Variants in INPP5A observed in about 807,000 individuals in gnomAD.
INPP5A encodes the protein inositol polyphosphate-5-phosphatase A.
INPP5A carries 14 observed loss-of-function variants against 65.2 expected under a neutral mutation model. The observed-to-expected ratio is 0.21, with a 90% confidence interval of 0.14 to 0.34. The LOEUF is 0.34. INPP5A is among the 10% of genes least tolerant of loss of function. INPP5A has a pLI of 1.00. For synonymous variants in INPP5A, 207 were observed against 208.3 expected (o/e 0.99, Z 0.05); for missense variants, 431 against 545.6 (o/e 0.79, Z 2.09).
At chr10:132,693,623 G>C (rs1379844083) in intron 5 of INPP5A, among the ~76,000 whole-genome samples, 1 of 151,912 alleles carries the variant, frequency 6.6e-6, no homozygotes, top group Non-Finnish European at 1.5e-5. Context: ...TAGGAAACTA[G>C]AAGAAAAGTA....
At chr10:132,654,135 A>G (rs1218356458) in intron 4 of INPP5A, among the ~76,000 whole-genome samples, 1 of 152,162 alleles carries the variant, frequency 6.6e-6, no homozygotes, top group East Asian at 1.9e-4. Context: ...ATGGGACAGG[A>G]TAAGGCTTGG....
At chr10:132,699,363 G>A (rs1436273163) in intron 6 of INPP5A, among the ~76,000 whole-genome samples, 2 of 39,590 alleles carry the variant, frequency 5.1e-5, no homozygotes, top group African/African-American at 5.7e-5. Flanking sequence ...GTGCTGGGGT[G>A]GGGGGGGGCT....
intron 6 of INPP5A, among the ~76,000 whole-genome samples, chr10:132,700,128 C>T (rs12416006): frequency 1.3e-5 from 2 of 152,180 alleles, no homozygotes; most frequent in Non-Finnish European, 2.9e-5. Context: ...AGCCCCCAGC[C>T]TGGGTCCAAC....
At chr10:132,713,533 C>A (rs1463241335) in intron 8 of INPP5A, among the ~76,000 whole-genome samples, 1 of 152,156 alleles carries the variant, frequency 6.6e-6, no homozygotes, top group Non-Finnish European at 1.5e-5. Context: ...CCTTGGCTCT[C>A]CTCTGCATCT....
chr10:132,625,844 G>C (rs1590876484), intron 2 of INPP5A, among the ~76,000 whole-genome samples: 1 of 4,448 alleles, frequency 2.2e-4, no homozygotes, highest in Non-Finnish European at 5.1e-4. Context: ...GGACTTCTGT[G>C]TGTGTGTGTG....
intron 1 of INPP5A, among the ~76,000 whole-genome samples, chr10:132,556,167 C>T (rs555724341): frequency 1.2e-4 from 18 of 152,178 alleles, no homozygotes; most frequent in Non-Finnish European, 2.5e-4. Flanking sequence ...TCCTTGATGG[C>T]ACGCTCCGGG....
Position 132,538,868 on chromosome 10 carries a change from A to G in INPP5A, c.75+697A>G, listed in dbSNP as rs1187781736. 6.6e-6 allele frequency among the ~76,000 whole-genome samples: 1 copy of G among 152,010 alleles called. No homozygotes were observed. The highest frequency in any genetic ancestry group is 1.5e-5 in the Non-Finnish European group (1 of 67,998). ...CTAGCCCTAGAATCCCAGCCTTCAT[A>G]CTGTGGCCCTTTGCCTCTAAAGCCA... On this transcript the variant is annotated intron_variant, in intron 1 of 15. Transcript: ENST00000368594. The surrounding 1 kb of genome is among the most constrained non-coding windows in gnomAD (Gnocchi z 4.1).
At chr10:132,556,534 A>G (rs2071129254) in intron 1 of INPP5A, among the ~76,000 whole-genome samples, 2 of 152,206 alleles carry the variant, frequency 1.3e-5, no homozygotes, top group South Asian at 2.1e-4. Context: ...GTGCATATGT[A>G]CACACCATAC....
At chr10:132,746,388 A>T (rs1846372292) in intron 9 of INPP5A, among the ~76,000 whole-genome samples, 1 of 152,214 alleles carries the variant, frequency 6.6e-6, no homozygotes, top group Admixed American at 6.5e-5. Flanking sequence ...GTGATGGGAC[A>T]GATTCAGCTC....
intron 1 of INPP5A, among the ~76,000 whole-genome samples, chr10:132,554,984 G>A (rs1016728498): frequency 2.0e-5 from 3 of 150,766 alleles, no homozygotes; most frequent in Non-Finnish European, 4.4e-5. Context: ...TGGCACTGAT[G>A]TGGGTAGCGT....
At chr10:132,712,055 C>T (rs1046464308) in intron 8 of INPP5A, among the ~76,000 whole-genome samples, 1 of 152,214 alleles carries the variant, frequency 6.6e-6, no homozygotes, top group Admixed American at 6.5e-5. Context: ...AGAGGCACCC[C>T]TGGGGACTGT....
intron 8 of INPP5A, among the ~76,000 whole-genome samples, chr10:132,723,351 G>A (rs939385794): frequency 2.0e-5 from 3 of 152,266 alleles, no homozygotes; most frequent in African/African-American, 7.2e-5. Context: ...GAACTCATTA[G>A]AGTTTGTTCC....
chr10:132,634,355 G>A (rs951423909), intron 2 of INPP5A, among the ~76,000 whole-genome samples: 1 of 149,950 alleles, frequency 6.7e-6, no homozygotes, highest in Non-Finnish European at 1.5e-5. Flanking sequence ...CCCCGGAGAG[G>A]CGTATCATCT....
Position 132,638,314 on chromosome 10 carries a change from G to A in INPP5A, c.118-7554G>A, listed in dbSNP as rs186107422. On this transcript the variant is annotated intron_variant, in intron 2 of 15. Transcript: ENST00000368594. The stretch of plus-strand genomic sequence containing the variant: ...AGTCTCGCCTTGTGTTCCAACCCAC[G>A]CTCGGATGTGCTGGGATGCTCTTCC... Among the ~76,000 whole-genome samples, 212 of 152,240 alleles carry A rather than the reference G, an allele frequency of 1.4e-3. 1 individual carries two copies. The highest frequency in any genetic ancestry group is 4.6e-3 in the African/African-American group (191 of 41,546).
rs1478405020 is a variant in INPP5A at position 132,637,882 on chromosome 10, A to G, written c.118-7986A>G. On this transcript the variant is annotated intron_variant, in intron 2 of 15. Coordinates refer to ENST00000368594, the MANE Select transcript of INPP5A (RefSeq NM_005539.5). The surrounding 1 kb of genome is among the most constrained non-coding windows in gnomAD (Gnocchi z 4.1). ...TCCTCAGGTCGGGCACGTTTTCCTC[A>G]GTTTGTGTGTGTACAATTTTTTGTC... is the stretch of plus-strand genomic sequence containing the variant. 2.0e-5 allele frequency among the ~76,000 whole-genome samples: 3 copies of G among 151,944 alleles called. No individual in the cohort carries two copies. The highest frequency in any genetic ancestry group is 3.9e-4 in the East Asian group (2 of 5,162).
At chr10:132,670,876 A>G (rs1419274292) in intron 4 of INPP5A, among the ~76,000 whole-genome samples, 2 of 127,120 alleles carry the variant, frequency 1.6e-5, no homozygotes, top group Non-Finnish European at 3.2e-5. Flanking sequence ...AAGGAAAATG[A>G]TGGATATTCA....
chr10:132,577,733 A>G (rs1363094604), intron 1 of INPP5A, among the ~76,000 whole-genome samples: 1 of 152,220 alleles, frequency 6.6e-6, no homozygotes, highest in Admixed American at 6.5e-5. Flanking sequence ...TGCCTGTCTC[A>G]GGGAGGCATT....
intron 1 of INPP5A, among the ~76,000 whole-genome samples, chr10:132,565,402 A>G (rs930452790): frequency 6.6e-6 from 1 of 152,208 alleles, no homozygotes; most frequent in Non-Finnish European, 1.5e-5. Context: ...TTTGTAAGGT[A>G]TTTGGAGTTT....
chr10:132,567,540 C>T (rs1356132744), intron 1 of INPP5A, among the ~76,000 whole-genome samples: 9 of 152,186 alleles, frequency 5.9e-5, no homozygotes, highest in African/African-American at 1.4e-4. Flanking sequence ...AACCATGCTT[C>T]GTTTGTCAGA....
Sources: gnomAD v4.1 joint callset for allele counts (sites outside exome capture counted in the v4.1 genomes callset) on GRCh38, gnomAD v4.1.1 for gene constraint, Gnocchi (gnomAD v3.1) non-coding constraint, MANE v1.5 for transcripts, NCBI Gene and HGNC (gene_info 2026-07-23, HGNC 2026-07-21) for gene names.